Variants in PDE4D observed in about 807,000 individuals in gnomAD.
The protein encoded by PDE4D is 3',5'-cyclic-AMP phosphodiesterase 4D.
In PDE4D, 24 loss-of-function variants were observed where a neutral mutation model predicts 87.4. The observed-to-expected ratio is 0.27, with a 90% confidence interval of 0.20 to 0.39. PDE4D has a LOEUF of 0.39. Among genes scored for constraint, PDE4D ranks in the 10% least tolerant of loss-of-function variants. PDE4D has a pLI of 1.00. For synonymous variants in PDE4D, 384 were observed against 383.2 expected (o/e 1.00, Z -0.02); for missense variants, 714 against 1,041.0 (o/e 0.69, Z 4.32).
chr5:59,975,410 G>A (rs954540067), intron 3 of PDE4D, among the ~76,000 whole-genome samples: 1 of 152,106 alleles, frequency 6.6e-6, no homozygotes, highest in Non-Finnish European at 1.5e-5. Context: ...TCTATCTTTT[G>A]TTTGCTCAGT....
At chr5:59,609,888 TA>T (rs1281979272) in intron 1 of PDE4D, among the ~76,000 whole-genome samples, 1 of 152,132 alleles carries the variant, frequency 6.6e-6, no homozygotes, top group Non-Finnish European at 1.5e-5. Context: ...ATCCCGGAAA[TA>T]CAAAGAGTTG....
At chr5:59,552,148 G>A (rs1481731307) in intron 1 of PDE4D, among the ~76,000 whole-genome samples, 1 of 152,178 alleles carries the variant, frequency 6.6e-6, no homozygotes, top group Admixed American at 6.5e-5. Flanking sequence ...GAGCCTAGGA[G>A]GTGAAGGTTG....
At chr5:59,993,432 G>A (rs1054397796) in intron 2 of PDE4D, among the ~76,000 whole-genome samples, 18 of 152,254 alleles carry the variant, frequency 1.2e-4, no homozygotes, top group African/African-American at 4.3e-4. Context: ...ATCATATGAT[G>A]AAATACTATG....
Position 59,893,713 on chromosome 5 carries a change from G to A in PDE4D, c.-91C>T. ...TGATGCTGCTGCTGCTGCTGCCGCC[G>A]CCGCCGCTTCTGCAGCCCAGCAGAG... On this transcript the variant is annotated 5_prime_UTR_variant, in exon 1 of 15. Coordinates refer to ENST00000340635, the MANE Select transcript of PDE4D (RefSeq NM_001104631.2). The A allele has an allele frequency of 7.2e-7, 1 of 1,379,390 alleles. No homozygotes were observed. Among genetic ancestry groups the A allele is most frequent in the Non-Finnish European group, 9.3e-7 (1 of 1,077,726 alleles). The allele number at this position is 1,379,390 out of a possible 1,614,324, so 85.4% of individuals were successfully genotyped here.
At chr5:60,279,853 T>C (rs2149743485) in intron 1 of PDE4D, among the ~76,000 whole-genome samples, 1 of 152,080 alleles carries the variant, frequency 6.6e-6, no homozygotes, top group South Asian at 2.1e-4. Flanking sequence ...GCTAATTTTT[T>C]GTGTTTTTAG....
chr5:59,463,923 C>T (rs1022672954), intron 1 of PDE4D, among the ~76,000 whole-genome samples: 1 of 152,176 alleles, frequency 6.6e-6, no homozygotes, highest in Admixed American at 6.5e-5. Flanking sequence ...TTACCCCCAA[C>T]CCCGTGCTCT....
rs116813699 is a variant in PDE4D, at chr5:60,154,213, T to C, written c.42+31344A>G. ...GATATTCTGGGGTTGCATTTATATG[T>C]ATCACATGGTAAGCTCAATACCAGG... On this transcript the variant is annotated intron_variant, in intron 2 of 16. Coordinates refer to the PDE4D transcript ENST00000502484. Among the ~76,000 whole-genome samples the C allele has an allele frequency of 4.5e-3, 684 of 152,362 alleles. 7 individuals carry two copies. The highest frequency in any genetic ancestry group is 0.016 in the African/African-American group (650 of 41,574).
intron 3 of PDE4D, among the ~76,000 whole-genome samples, chr5:59,916,295 C>A (rs1217827080): frequency 6.6e-6 from 1 of 152,086 alleles, no homozygotes; most frequent in Non-Finnish European, 1.5e-5. Context: ...TCTATAACAA[C>A]AAAACAAAGG....
At chr5:59,762,886 T>G (rs1447841015) in intron 1 of PDE4D, among the ~76,000 whole-genome samples, 37 of 140,252 alleles carry the variant, frequency 2.6e-4, no homozygotes, top group African/African-American at 9.6e-4. Context: ...TATATATATA[T>G]ATATATAGCT....
chr5:60,458,249 T>C (rs1746630689), intron 1 of PDE4D, among the ~76,000 whole-genome samples: 1 of 151,966 alleles, frequency 6.6e-6, no homozygotes, highest in Non-Finnish European at 1.5e-5. Flanking sequence ...TAGCTGGGCA[T>C]GGTGTCACAT....
intron 1 of PDE4D, among the ~76,000 whole-genome samples, chr5:59,795,420 C>G (rs1766351748): frequency 6.6e-6 from 1 of 152,140 alleles, no homozygotes; most frequent in African/African-American, 2.4e-5. Context: ...GAATACCTGG[C>G]AGACACTTAA....
rs754043374 is a variant in PDE4D at position 59,836,631 on chromosome 5, T to TATCTATCTATC, written c.455+56526_455+56536dup. Among the ~76,000 whole-genome samples the TATCTATCTATC allele has an allele frequency of 6.8e-3, 1,012 of 149,706 alleles. 8 individuals carry two copies. The highest frequency in any genetic ancestry group is 9.8e-3 in the Admixed American group (149 of 15,146). ...CACTTCCAAGATGTATCTATCTATC[T>TATCTATCTATC]ATCTATCTATCTATCTATCTATCTA... On this transcript the variant is annotated intron_variant, in intron 1 of 14. Coordinates refer to ENST00000340635, the MANE Select transcript of PDE4D (RefSeq NM_001104631.2).
At chr5:60,003,722 A>G (rs902175950) in intron 2 of PDE4D, among the ~76,000 whole-genome samples, 17 of 151,444 alleles carry the variant, frequency 1.1e-4, no homozygotes, top group South Asian at 4.2e-4. Flanking sequence ...AAAAAAAAAA[A>G]AAAAAGAAGA....
chr5:59,257,568 C>A (rs889944835), intron 1 of PDE4D, among the ~76,000 whole-genome samples: 20 of 152,002 alleles, frequency 1.3e-4, no homozygotes, highest in African/African-American at 4.8e-4. Context: ...CATATATCTA[C>A]TATCCAATTA....
At chr5:59,305,372 T>C (rs950639811) in intron 1 of PDE4D, among the ~76,000 whole-genome samples, 154 of 84,582 alleles carry the variant, frequency 1.8e-3, no homozygotes, top group African/African-American at 0.01. Flanking sequence ...ATTTATTTTT[T>C]TGTATGGTTT....
upstream of PDE4D, among the ~76,000 whole-genome samples, chr5:59,897,773 A>G (rs909933262): frequency 6.6e-6 from 1 of 152,172 alleles, no homozygotes; most frequent in African/African-American, 2.4e-5. Context: ...GGTCATCTTG[A>G]TGCCCAACAG....
chr5:59,995,238 C>T (rs952717498), intron 2 of PDE4D, among the ~76,000 whole-genome samples: 20 of 152,166 alleles, frequency 1.3e-4, no homozygotes, highest in African/African-American at 4.6e-4. Flanking sequence ...ATTGCTGGCT[C>T]CTCAATTAAC....
Position 60,291,702 on chromosome 5 carries a change from C to A in PDE4D, c.-89-106015G>T, listed in dbSNP as rs560190233. On this transcript the variant is annotated intron_variant, in intron 1 of 16. Coordinates refer to the PDE4D transcript ENST00000502484. The stretch of plus-strand genomic sequence containing the variant: ...ATAAAAAACAAAATTAAAAAAAAAA[C>A]CATGTAAGGCTAGCAACTGGGCAGT... Among the ~76,000 whole-genome samples, 15 of 151,452 alleles carry A rather than the reference C, an allele frequency of 9.9e-5. 1 individual carries two copies. The East Asian group carries it at 2.1e-3, about 22-fold the overall frequency.
intron 1 of PDE4D, among the ~76,000 whole-genome samples, chr5:60,477,746 CA>C (rs1378630661): frequency 3.9e-5 from 6 of 152,174 alleles, no homozygotes; most frequent in Non-Finnish European, 7.4e-5. Context: ...CCATTTTACA[CA>C]ACTGGACTTG....
Sources: gnomAD v4.1 joint callset for allele counts (sites outside exome capture counted in the v4.1 genomes callset) on GRCh38, gnomAD v4.1.1 for gene constraint, MANE v1.5 for transcripts, NCBI Gene and HGNC (gene_info 2026-07-23, HGNC 2026-07-21) for gene names.